The following RASA3 variants were observed in gnomAD, a reference collection of about 807,000 sequenced individuals.
The protein encoded by RASA3 is RAS p21 protein activator 3, also known as ras GTPase-activating protein 3.
In RASA3, 73 loss-of-function variants were observed where a neutral mutation model predicts 110.0. The observed-to-expected ratio is 0.66, with a 90% confidence interval of 0.55 to 0.81. RASA3 has a LOEUF of 0.81. Among genes scored for constraint, RASA3 ranks in the 30% least tolerant of loss-of-function variants. RASA3 has a pLI of 0.00. For missense variants in RASA3, 976 were observed against 1,113.2 expected, an observed-to-expected ratio of 0.88 and a Z score of 1.75; for synonymous variants, 500 against 451.4, an observed-to-expected ratio of 1.11 and a Z score of -1.37.
intron 1 of RASA3, among the ~76,000 whole-genome samples, chr13:114,091,376 T>C (rs1462021359): frequency 6.6e-6 from 1 of 152,072 alleles, no homozygotes; most frequent in Admixed American, 6.6e-5. Context: ...GGCTCTACCA[T>C]TTTGAGGTAT....
At chr13:114,101,548 G>C (rs1440813599) in intron 1 of RASA3, among the ~76,000 whole-genome samples, 2 of 152,266 alleles carry the variant, frequency 1.3e-5, no homozygotes, top group Non-Finnish European at 2.9e-5. Flanking sequence ...CCATGCCAGG[G>C]GCCCCAGCCG....
chr13:114,058,301 T>C (rs992131652), intron 2 of RASA3, among the ~76,000 whole-genome samples: 9 of 151,776 alleles, frequency 5.9e-5, no homozygotes, highest in Non-Finnish European at 1.3e-4. Flanking sequence ...GTCACCACCA[T>C]CCACGCGTCC....
chr13:114,040,607 C>G (rs141266169), intron 4 of RASA3, among the ~76,000 whole-genome samples: 8,922 of 122,084 alleles, frequency 0.073, 369 homozygotes, highest in Middle Eastern at 0.099. Context: ...GCGCTCACTC[C>G]GAGCACAAGC....
Position 114,052,050 on chromosome 13 carries a change from A to G in RASA3, c.277+2T>C, listed in dbSNP as rs753317835. 6 of 1,587,314 alleles carry G rather than the reference A, an allele frequency of 3.8e-6. No homozygotes were observed. Among genetic ancestry groups the G allele is most frequent in the Non-Finnish European group, 4.3e-6 (5 of 1,156,112 alleles). On this transcript the variant is annotated splice_donor_variant, in intron 3 of 23. Coordinates refer to ENST00000334062, the MANE Select transcript of RASA3 (RefSeq NM_007368.4). LOFTEE classifies it high-confidence loss of function. Reference sequence around the variant, plus strand: ...GGAAGTAAATGCTCATTCATCACCTACCTATGATGGAATCCCTCCGGAAAA... The same window carrying G: ...GGAAGTAAATGCTCATTCATCACCTGCCTATGATGGAATCCCTCCGGAAAA...
At chr13:114,080,076 C>T (rs748437284) in intron 1 of RASA3, among the ~76,000 whole-genome samples, 8 of 152,168 alleles carry the variant, frequency 5.3e-5, no homozygotes, top group African/African-American at 1.9e-4. Context: ...TCCTCTGGGC[C>T]GAGTCGAGGG....
At position 114,040,559 on chromosome 13, in the gene RASA3, G is replaced by A. The variant is rs34025712; in HGVS notation, c.372+441C>T. Among the ~76,000 whole-genome samples, 1,037 of 113,874 alleles carry A rather than the reference G, an allele frequency of 9.1e-3. 6 individuals are homozygous for A. Among genetic ancestry groups the A allele is most frequent in the East Asian group, 0.036 (106 of 2,960 alleles). The allele number at this position is 113,874 out of a possible 152,430, so 74.7% of individuals were successfully genotyped here. ...GCCCGCGCTCACTCCGAGCACAAGC[G>A]GGCGAACACGCACAACCCAAAATCC... On this transcript the variant is annotated intron_variant, in intron 4 of 23. Transcript: ENST00000334062.
intron 4 of RASA3, among the ~76,000 whole-genome samples, chr13:114,035,456 T>C (rs915744270): frequency 9.2e-5 from 14 of 152,322 alleles, no homozygotes; most frequent in African/African-American, 1.7e-4. Flanking sequence ...GAGGGGTGTA[T>C]GGAAACTCTG....
intron 23 of RASA3, among the ~76,000 whole-genome samples, chr13:113,980,428 CGTGT>C (rs1167409396): frequency 6.9e-6 from 1 of 144,642 alleles, no homozygotes; most frequent in Admixed American, 6.9e-5. Context: ...TCACCTCCTC[CGTGT>C]GTGCACCTCC....
At chr13:113,993,827 A>AAAAAAAAAAAG (rs1566450492) in intron 21 of RASA3, among the ~76,000 whole-genome samples, 1 of 125,612 alleles carries the variant, frequency 8.0e-6, no homozygotes, top group Non-Finnish European at 1.6e-5. Context: ...AAAAAAAAAA[A>AAAAAAAAAAAG]AAAAGAAAAG....
rs529575304 is a variant in RASA3 at position 114,063,402 on chromosome 13, T to C, written c.173+10318A>G. On this transcript the variant is annotated intron_variant, in intron 2 of 23. Transcript: ENST00000334062. ...AATACAAATATAAGTATATTCATAC[T>C]ATAATGACTCATTATATTATAATAC... Among the ~76,000 whole-genome samples the C allele has an allele frequency of 4.0e-4, 59 of 146,264 alleles. 1 individual carries two copies. The highest frequency in any genetic ancestry group is 2.3e-3 in the Admixed American group (33 of 14,654).
In RASA3 at chr13:113,981,870, G is replaced by A. The variant is rs114306330; in HGVS notation, c.2246-12C>T. ...GCTCCCACAGGCCTCTGTGGAGGGC[G>A]GAGGGGTCAGCGCAGGGCAGGAGCC... On this transcript the variant is annotated splice_polypyrimidine_tract_variant and intron_variant, in intron 22 of 23. Coordinates refer to ENST00000334062, the MANE Select transcript of RASA3 (RefSeq NM_007368.4). 9,687 of 1,611,714 alleles carry A rather than the reference G, an allele frequency of 6.0e-3. 45 individuals carry two copies. The highest frequency in any genetic ancestry group is 0.018 in the African/African-American group (1,385 of 74,998).
At chr13:114,080,386 C>T (rs774514093) in intron 1 of RASA3, among the ~76,000 whole-genome samples, 12 of 152,170 alleles carry the variant, frequency 7.9e-5, no homozygotes, top group Admixed American at 2.0e-4. Flanking sequence ...ACCACCTGCC[C>T]AGGGAGGGCC....
chr13:114,063,043 G>A (rs7332903), intron 2 of RASA3, among the ~76,000 whole-genome samples: 1,789 of 152,314 alleles, frequency 0.012, 26 homozygotes, highest in African/African-American at 0.041. Context: ...CGCGAGTGTC[G>A]TTTTAGGGAG....
At chr13:114,001,131 T>G (rs1172920198) in intron 18 of RASA3, among the ~76,000 whole-genome samples, 199 bp from the exon 19 acceptor site, 1 of 152,230 alleles carries the variant, frequency 6.6e-6, no homozygotes, top group Admixed American at 6.5e-5. Flanking sequence ...GCTGACTGCT[T>G]TGAGTCACCA....
intron 1 of RASA3, among the ~76,000 whole-genome samples, chr13:114,080,507 C>T (rs956093901): frequency 5.9e-5 from 9 of 152,120 alleles, no homozygotes; most frequent in South Asian, 2.1e-4. Context: ...TGCTGAGGGG[C>T]GGGTGACCAG....
At chr13:114,087,379 GTA>G (rs2139703050) in intron 1 of RASA3, among the ~76,000 whole-genome samples, 1 of 152,374 alleles carries the variant, frequency 6.6e-6, no homozygotes, top group East Asian at 1.9e-4. Flanking sequence ...CGTCCTCAGC[GTA>G]TGTGATGGGA....
At chr13:113,982,415 G>A (rs991610029) in intron 22 of RASA3, among the ~76,000 whole-genome samples, 2 of 152,252 alleles carry the variant, frequency 1.3e-5, no homozygotes, top group South Asian at 4.1e-4. Context: ...AGCTTCTAAA[G>A]ACCACTGCCC....
chr13:114,132,182 G>C (rs1223620719), intron 1 of RASA3, among the ~76,000 whole-genome samples: 2 of 152,198 alleles, frequency 1.3e-5, no homozygotes, highest in Admixed American at 1.3e-4. Context: ...CAGGGACCGG[G>C]GCCGCTCCGG....
chr13:114,046,646 T>C (rs1392166567), intron 3 of RASA3, among the ~76,000 whole-genome samples: 2 of 152,158 alleles, frequency 1.3e-5, no homozygotes, highest in Non-Finnish European at 2.9e-5. Flanking sequence ...GGCAGGCGTG[T>C]CCGATGGAAA....
Sources: gnomAD v4.1 joint callset for allele counts (sites outside exome capture counted in the v4.1 genomes callset) on GRCh38, gnomAD v4.1.1 for gene constraint, MANE v1.5 for transcripts, NCBI Gene and HGNC (gene_info 2026-07-23, HGNC 2026-07-21) for gene names.